Variants in ZNF521 observed in about 807,000 individuals in gnomAD.
ZNF521 encodes LYST-interacting protein 3.
ZNF521 carries 14 observed loss-of-function variants against 105.5 expected under a neutral mutation model. The ratio of observed to expected loss-of-function variants is 0.13; its 90% CI spans 0.09 to 0.21. The LOEUF is 0.21. ZNF521 is among the 10% of genes least tolerant of loss of function. ZNF521 has a pLI of 1.00. For synonymous variants in ZNF521, 635 were observed against 606.0 expected (o/e 1.05, Z -0.70); for missense variants, 1,233 against 1,629.7 (o/e 0.76, Z 4.19).
intron 4 of ZNF521, among the ~76,000 whole-genome samples, chr18:25,218,699 T>A (rs1331930687): frequency 5.5e-5 from 8 of 145,818 alleles, no homozygotes; most frequent in Admixed American, 1.3e-4. Flanking sequence ...AAAAAAAAAA[T>A]TAGCCGGGAA....
Position 25,333,717 on chromosome 18 carries a change from A to G in ZNF521, c.41-11530T>C, listed in dbSNP as rs150312926. On this transcript the variant is annotated intron_variant, in intron 2 of 7. Transcript: ENST00000361524. The stretch of plus-strand genomic sequence containing the variant: ...CAGCCATGAAGAAAAACTGTATCAA[A>G]TGTAATATATTTCGAACAAAAGAAA... 2.6e-5 allele frequency among the ~76,000 whole-genome samples: 4 copies of G among 152,326 alleles called. No homozygotes were observed. In the East Asian group the frequency reaches 7.7e-4, roughly 29 times the overall value.
At position 25,075,253 on chromosome 18, in the gene ZNF521, A is replaced by G. The variant is rs563407733; in HGVS notation, c.3907-12512T>C. ...TTGCTTCAGTGTTGCAAAATTTATA[A>G]AAGAATAACTTCATTAAACCGCCTG... On this transcript the variant is annotated intron_variant, in intron 7 of 7. Transcript: ENST00000361524. Among the ~76,000 whole-genome samples the G allele has an allele frequency of 2.0e-5, 3 of 152,340 alleles. No homozygotes were observed. The South Asian group carries it at 6.2e-4, about 32-fold the overall frequency.
At chr18:25,273,940 G>C (rs1055477291) in intron 3 of ZNF521, among the ~76,000 whole-genome samples, 2 of 152,034 alleles carry the variant, frequency 1.3e-5, no homozygotes, top group African/African-American at 4.8e-5. Context: ...GGGTAGAAAG[G>C]GTCCTAACAG....
At chr18:25,350,554 T>C (rs1486628247) in intron 2 of ZNF521, among the ~76,000 whole-genome samples, 1 of 152,158 alleles carries the variant, frequency 6.6e-6, no homozygotes, top group Non-Finnish European at 1.5e-5. Flanking sequence ...AGAAACTTTT[T>C]CCTCCAGCCC....
chr18:25,075,485 C>G (rs2033338942), intron 7 of ZNF521, among the ~76,000 whole-genome samples: 2 of 152,190 alleles, frequency 1.3e-5, no homozygotes, highest in Admixed American at 6.5e-5. Flanking sequence ...TGTGAGTTTG[C>G]TTAATAACAC....
intron 7 of ZNF521, among the ~76,000 whole-genome samples, chr18:25,068,131 A>C (rs998590667): frequency 6.6e-6 from 1 of 152,244 alleles, no homozygotes; most frequent in Non-Finnish European, 1.5e-5. Context: ...AATTTAAATG[A>C]GATGTTTTCT....
At chr18:25,097,492 T>C (rs565435488) in intron 5 of ZNF521, among the ~76,000 whole-genome samples, 1 of 152,264 alleles carries the variant, frequency 6.6e-6, no homozygotes, top group South Asian at 2.1e-4. Flanking sequence ...TGAAAATGAA[T>C]GCAGCCTGAA....
At chr18:25,140,779 T>C (rs1256408901) in intron 5 of ZNF521, among the ~76,000 whole-genome samples, 1 of 152,132 alleles carries the variant, frequency 6.6e-6, no homozygotes, top group Non-Finnish European at 1.5e-5. Flanking sequence ...TTCCTGAAGA[T>C]TTTTTAGTGT....
At chr18:25,122,246 A>G (rs1239971981) in intron 5 of ZNF521, among the ~76,000 whole-genome samples, 1 of 152,186 alleles carries the variant, frequency 6.6e-6, no homozygotes, top group Non-Finnish European at 1.5e-5. Context: ...AAAATGAAAC[A>G]GAGAGACAAG....
At chr18:25,268,268 G>A (rs960378498) in intron 3 of ZNF521, among the ~76,000 whole-genome samples, 1 of 152,076 alleles carries the variant, frequency 6.6e-6, no homozygotes, top group Admixed American at 6.6e-5. Context: ...AAGCCCCCAA[G>A]AAATATGAGA....
chr18:25,234,032 C>T (rs1906712078), intron 3 of ZNF521, among the ~76,000 whole-genome samples: 1 of 152,194 alleles, frequency 6.6e-6, no homozygotes, highest in Non-Finnish European at 1.5e-5. Flanking sequence ...AGTTAAAGAA[C>T]AGTCATCCTC....
chr18:25,155,543 T>C (rs1472612829), intron 5 of ZNF521, among the ~76,000 whole-genome samples: 2 of 152,198 alleles, frequency 1.3e-5, no homozygotes, highest in African/African-American at 4.8e-5. Context: ...AGGAATTTTA[T>C]GGTTTTAGGT....
intron 4 of ZNF521, among the ~76,000 whole-genome samples, chr18:25,197,118 T>A (rs1159121703): frequency 6.6e-6 from 1 of 151,864 alleles, no homozygotes; most frequent in Non-Finnish European, 1.5e-5. Context: ...CTGACACATG[T>A]AAGTTTTCTT....
chr18:25,304,253 T>A (rs1911841301), intron 3 of ZNF521, among the ~76,000 whole-genome samples: 1 of 152,200 alleles, frequency 6.6e-6, no homozygotes, highest in Non-Finnish European at 1.5e-5. Flanking sequence ...GCTCAACATA[T>A]TTCTGTTGAA....
chr18:25,283,083 G>C (rs992258100), intron 3 of ZNF521, among the ~76,000 whole-genome samples: 6 of 152,290 alleles, frequency 3.9e-5, no homozygotes, highest in Middle Eastern at 3.4e-3. Flanking sequence ...GTAATGGATG[G>C]GACAAGCACT....
chr18:25,203,467 A>G (rs1013805190), intron 4 of ZNF521, among the ~76,000 whole-genome samples: 1 of 152,130 alleles, frequency 6.6e-6, no homozygotes, highest in African/African-American at 2.4e-5. Context: ...ATATTAAAAA[A>G]TTAGTCAGGT....
chr18:25,196,201 C>A (rs575078769), intron 4 of ZNF521, among the ~76,000 whole-genome samples: 1 of 151,678 alleles, frequency 6.6e-6, no homozygotes, highest in East Asian at 1.9e-4. Context: ...CAAAATAAAC[C>A]ATTATGAAAA....
chr18:25,217,791 G>C (rs1332878025), intron 4 of ZNF521, among the ~76,000 whole-genome samples: 1 of 152,196 alleles, frequency 6.6e-6, no homozygotes, highest in Non-Finnish European at 1.5e-5. Flanking sequence ...ACAAAGCAGT[G>C]TAACAATTTT....
At chr18:25,145,310 T>A (rs1354316091) in intron 5 of ZNF521, among the ~76,000 whole-genome samples, 1 of 152,122 alleles carries the variant, frequency 6.6e-6, no homozygotes, top group Admixed American at 6.5e-5. Context: ...AATATTTACA[T>A]CAATATTACT....
Sources: gnomAD v4.1 joint callset for allele counts (sites outside exome capture counted in the v4.1 genomes callset) on GRCh38, gnomAD v4.1.1 for gene constraint, MANE v1.5 for transcripts, NCBI Gene and HGNC (gene_info 2026-07-23, HGNC 2026-07-21) for gene names.